Variants in DCLK1 observed in about 807,000 individuals in gnomAD.
DCLK1 encodes the protein doublecortin like kinase 1.
Under a neutral mutation model 86.2 loss-of-function variants are expected in DCLK1, and 16 were observed. That is an observed-to-expected ratio of 0.19 (90% confidence interval 0.13 to 0.28). DCLK1 has a LOEUF of 0.28. DCLK1 is among the 10% of genes least tolerant of loss of function. The pLI is 1.00. For missense variants in DCLK1, 590 were observed against 940.2 expected (o/e 0.63, Z 4.87); for synonymous variants, 369 against 370.5 (o/e 1.00, Z 0.05).
intron 2 of DCLK1, among the ~76,000 whole-genome samples, chr13:36,123,512 G>A (rs548391520): frequency 1.4e-4 from 22 of 152,250 alleles, no homozygotes; most frequent in South Asian, 4.1e-4. Flanking sequence ...ATTGATTGAG[G>A]GGAAAAACTC....
chr13:35,946,598 C>T (rs9545862), intron 4 of DCLK1, among the ~76,000 whole-genome samples: 8,938 of 152,182 alleles, frequency 0.059, 343 homozygotes, highest in Middle Eastern at 0.14. Flanking sequence ...TTTCCAACTA[C>T]GCAGAATTTG....
chr13:35,863,967 A>G (rs957310158), intron 5 of DCLK1, among the ~76,000 whole-genome samples: 2 of 152,234 alleles, frequency 1.3e-5, no homozygotes, highest in Non-Finnish European at 2.9e-5. Flanking sequence ...CTGGGTGTTC[A>G]GAATGGTGCT....
intron 15 of DCLK1, among the ~76,000 whole-genome samples, chr13:35,794,487 A>G (rs2086767655): frequency 6.6e-6 from 1 of 152,244 alleles, no homozygotes; most frequent in African/African-American, 2.4e-5. Flanking sequence ...CTGTTTCTCA[A>G]GCATAATGTG....
chr13:35,965,777 A>ACTCT, intron 3 of DCLK1, among the ~76,000 whole-genome samples: 1 of 149,014 alleles, frequency 6.7e-6, no homozygotes, highest in East Asian at 2.0e-4. Flanking sequence ...GTATTCTCTC[A>ACTCT]CTCTCTCTCT....
chr13:36,096,147 A>G (rs1885014285), intron 3 of DCLK1, among the ~76,000 whole-genome samples: 1 of 152,164 alleles, frequency 6.6e-6, no homozygotes. Flanking sequence ...GATTACCAAG[A>G]AGGAGGTCAG....
chr13:35,813,892 A>C (rs1015811284), intron 11 of DCLK1, among the ~76,000 whole-genome samples: 5 of 79,432 alleles, frequency 6.3e-5, no homozygotes, highest in Non-Finnish European at 2.4e-5. Flanking sequence ...GAAATGCTGC[A>C]AAAAAAAAAT....
chr13:36,064,590 C>G (rs1883679469), intron 3 of DCLK1, among the ~76,000 whole-genome samples: 1 of 151,248 alleles, frequency 6.6e-6, no homozygotes, highest in Non-Finnish European at 1.5e-5. Flanking sequence ...ACCAGGGGGT[C>G]AGAAGTTGCA....
intron 3 of DCLK1, among the ~76,000 whole-genome samples, chr13:36,060,609 A>T (rs1260426197): frequency 6.6e-6 from 1 of 152,232 alleles, no homozygotes; most frequent in Non-Finnish European, 1.5e-5. Context: ...ATCTTGCTGC[A>T]TCATACTTCA....
At chr13:35,902,752 A>C (rs1000536656) in intron 4 of DCLK1, among the ~76,000 whole-genome samples, 2 of 152,168 alleles carry the variant, frequency 1.3e-5, no homozygotes, top group African/African-American at 4.8e-5. Flanking sequence ...GGAAAGACAC[A>C]GGCAGGGCCT....
intron 2 of DCLK1, among the ~76,000 whole-genome samples, chr13:36,121,381 G>A (rs1885985650): frequency 6.6e-6 from 1 of 152,172 alleles, no homozygotes; most frequent in South Asian, 2.1e-4. Context: ...AATCCAGAAA[G>A]AGACAATTCA....
At chr13:35,847,635 GA>G (rs1191104292) in intron 6 of DCLK1, 16 of 858,108 alleles carry the variant, frequency 1.9e-5, no homozygotes, top group South Asian at 1.0e-4. Flanking sequence ...AAGAAAGAAA[GA>G]AAGAAAGAAA....
intron 8 of DCLK1, among the ~76,000 whole-genome samples, chr13:35,834,994 A>G (rs985634087): frequency 2.6e-5 from 4 of 151,984 alleles, no homozygotes; most frequent in African/African-American, 9.7e-5. Flanking sequence ...CAAATGAAGA[A>G]CCCTCATGAG....
At chr13:36,071,854 T>C (rs1048156015) in intron 3 of DCLK1, among the ~76,000 whole-genome samples, 2 of 152,132 alleles carry the variant, frequency 1.3e-5, no homozygotes, top group African/African-American at 4.8e-5. Context: ...CATTAATTAA[T>C]TCAAACACAA....
chr13:36,086,385 G>C (rs922494390), intron 3 of DCLK1, among the ~76,000 whole-genome samples: 2 of 150,992 alleles, frequency 1.3e-5, no homozygotes. Context: ...TCAGTCCCAA[G>C]AGAAGTCAGC....
At chr13:35,921,175 C>CA (rs1875779870) in intron 4 of DCLK1, among the ~76,000 whole-genome samples, 1 of 152,200 alleles carries the variant, frequency 6.6e-6, no homozygotes, top group South Asian at 2.1e-4. Context: ...CAGGATATCC[C>CA]AAATCCGTAA....
At chr13:36,091,563 G>A (rs1201842841) in intron 3 of DCLK1, among the ~76,000 whole-genome samples, 1 of 152,110 alleles carries the variant, frequency 6.6e-6, no homozygotes, top group Non-Finnish European at 1.5e-5. Context: ...AAACTTCAGA[G>A]AAGTTGCTTC....
At chr13:35,800,709 T>C (rs993408138) in intron 15 of DCLK1, among the ~76,000 whole-genome samples, 2 of 152,024 alleles carry the variant, frequency 1.3e-5, no homozygotes, top group African/African-American at 2.4e-5. Flanking sequence ...TCCTTTTTCT[T>C]TCTTTCTTTT....
At chr13:35,996,215 C>T (rs1053914544) in intron 3 of DCLK1, among the ~76,000 whole-genome samples, 1 of 152,218 alleles carries the variant, frequency 6.6e-6, no homozygotes, top group Non-Finnish European at 1.5e-5. Flanking sequence ...AGGCGTAAGC[C>T]ACTGCACCCT....
intron 3 of DCLK1, among the ~76,000 whole-genome samples, chr13:36,029,840 G>T (rs961172232): frequency 6.6e-5 from 10 of 152,060 alleles, no homozygotes; most frequent in African/African-American, 2.4e-4. Context: ...TTTCTTATTG[G>T]ATTTGAAGGT....
Sources: gnomAD v4.1 joint callset for allele counts (sites outside exome capture counted in the v4.1 genomes callset) on GRCh38, gnomAD v4.1.1 for gene constraint, MANE v1.5 for transcripts, NCBI Gene and HGNC (gene_info 2026-07-23, HGNC 2026-07-21) for gene names.